Variants in TBC1D32 observed in about 807,000 individuals in gnomAD.
TBC1D32 encodes protein broad-minded.
TBC1D32 carries 151 observed loss-of-function variants against 170.3 expected under a neutral mutation model. The observed-to-expected ratio is 0.89, with a 90% confidence interval of 0.78 to 1.01. TBC1D32 has a LOEUF of 1.01. TBC1D32 is among the 50% of genes least tolerant of loss of function. The pLI, the probability that TBC1D32 is intolerant of heterozygous loss-of-function variation, is 0.00. For synonymous variants in TBC1D32, 498 were observed against 488.0 expected, an observed-to-expected ratio of 1.02 and a Z score of -0.27; for missense variants, 1,464 against 1,457.1, an observed-to-expected ratio of 1.00 and a Z score of -0.08.
intron 8 of TBC1D32, 40 bp downstream of exon 8, chr6:121,304,325 C>T (rs1335567798): frequency 6.9e-6 from 11 of 1,593,252 alleles, no homozygotes; most frequent in South Asian, 4.4e-5. Flanking sequence ...GCAGTAACAC[C>T]GCTAGGTTTT....
At chr6:121,153,643 T>C (rs1214188550) in intron 24 of TBC1D32, among the ~76,000 whole-genome samples, 1 of 152,126 alleles carries the variant, frequency 6.6e-6, no homozygotes, top group Non-Finnish European at 1.5e-5. Context: ...GAGTTTTATC[T>C]ATAAGCCCCT....
intron 3 of TBC1D32, among the ~76,000 whole-genome samples, chr6:121,312,825 T>C (rs1808407237): frequency 6.6e-6 from 1 of 152,172 alleles, no homozygotes; most frequent in Non-Finnish European, 1.5e-5. Flanking sequence ...ACAGCTTAGT[T>C]TAGTCTTTAC....
rs1370356240 is a variant in TBC1D32 at position 121,223,128 on chromosome 6, G to A, written c.2481+108C>T. 4.5e-6 allele frequency: 3 copies of A among 673,944 alleles called. No individual in the cohort carries two copies. In the Admixed American group the frequency reaches 9.8e-5, roughly 22 times the overall value. The allele number at this position is 673,944 out of a possible 1,614,324, so 41.7% of individuals were successfully genotyped here. A position where few individuals can be genotyped will look rare whatever the true frequency, so the allele number is the denominator to read the frequency against. ...TGATTAATCAAATCAGCCCTTAAATGCCATTACATAATGTTTCTTTTTTCT... is the reference window on the plus strand; with the variant it reads ...TGATTAATCAAATCAGCCCTTAAATACCATTACATAATGTTTCTTTTTTCT... On this transcript the variant is annotated intron_variant, in intron 21 of 31. Transcript: ENST00000398212.
chr6:121,247,519 A>G (rs1797758378), intron 17 of TBC1D32, among the ~76,000 whole-genome samples: 1 of 151,904 alleles, frequency 6.6e-6, no homozygotes, highest in Non-Finnish European at 1.5e-5. Context: ...CTTCAAAGAA[A>G]CAGAGTAGGA....
chr6:121,087,945 G>A (rs1776414054), intron 31 of TBC1D32, among the ~76,000 whole-genome samples: 1 of 138,724 alleles, frequency 7.2e-6, no homozygotes, highest in Non-Finnish European at 1.5e-5. Context: ...GCAGTTACAT[G>A]GGGAATTTTT....
At chr6:121,328,444 C>A (rs942653894) in intron 1 of TBC1D32, among the ~76,000 whole-genome samples, 2 of 151,684 alleles carry the variant, frequency 1.3e-5, no homozygotes, top group Non-Finnish European at 2.9e-5. Context: ...CGCCACCACA[C>A]CTGGCTAATT....
intron 15 of TBC1D32, among the ~76,000 whole-genome samples, chr6:121,257,830 G>T (rs1478039298): frequency 6.6e-6 from 1 of 151,816 alleles, no homozygotes; most frequent in African/African-American, 2.4e-5. Flanking sequence ...TTGGCTCTGG[G>T]GTACTTTTGA....
Position 121,160,945 on chromosome 6 carries a change from C to T in TBC1D32, c.2679+3G>A. 1 of 1,611,174 alleles carries T rather than the reference C, an allele frequency of 6.2e-7. No homozygotes were observed. Among genetic ancestry groups the T allele is most frequent in the Non-Finnish European group, 8.5e-7 (1 of 1,177,452 alleles). ...ATCCCACTTCTCTTTGCCCCACACT[C>T]ACCTTTTCGAGTAACCTCGGAGGCA... is the stretch of plus-strand genomic sequence containing the variant. On this transcript the variant is annotated splice_donor_region_variant and intron_variant, in intron 23 of 31. Transcript: ENST00000398212.
intron 29 of TBC1D32, among the ~76,000 whole-genome samples, chr6:121,111,645 C>A (rs1000193927): frequency 6.6e-6 from 1 of 151,986 alleles, no homozygotes; most frequent in South Asian, 2.1e-4. Context: ...ATTGGATGAT[C>A]TTTTTAAGTA....
At chr6:121,130,178 A>T (rs1318635682) in intron 25 of TBC1D32, among the ~76,000 whole-genome samples, 1 of 152,268 alleles carries the variant, frequency 6.6e-6, no homozygotes, top group East Asian at 1.9e-4. Context: ...CTCTATTTTT[A>T]AGAGTATCAA....
At chr6:121,311,659 G>A (rs964639581) in intron 3 of TBC1D32, among the ~76,000 whole-genome samples, 2 of 151,624 alleles carry the variant, frequency 1.3e-5, no homozygotes, top group Admixed American at 6.6e-5. Context: ...ACCAGGAGAC[G>A]GAGGTTTCAG....
At chr6:121,221,801 C>T (rs1473743176) in intron 21 of TBC1D32, among the ~76,000 whole-genome samples, 1 of 152,170 alleles carries the variant, frequency 6.6e-6, no homozygotes, top group Non-Finnish European at 1.5e-5. Flanking sequence ...GAATCCACTC[C>T]TGGTGAAGAT....
chr6:121,249,032 C>T (rs923948665), intron 17 of TBC1D32, among the ~76,000 whole-genome samples: 1 of 151,646 alleles, frequency 6.6e-6, no homozygotes, highest in Admixed American at 6.6e-5. Context: ...CTGATAAACA[C>T]AGATGCAAAA....
At chr6:121,296,699 T>C (rs1805691971) in intron 10 of TBC1D32, among the ~76,000 whole-genome samples, 1 of 152,112 alleles carries the variant, frequency 6.6e-6, no homozygotes, top group Admixed American at 6.6e-5. Flanking sequence ...GTCTTAAACA[T>C]CGTTTTGCTT....
chr6:121,246,471 A>T (rs1275820885), intron 17 of TBC1D32, among the ~76,000 whole-genome samples: 3 of 152,042 alleles, frequency 2.0e-5, no homozygotes. Flanking sequence ...ATTTGACATA[A>T]AAGGGTTCTG....
At chr6:121,170,441 T>G (rs776834055) in intron 22 of TBC1D32, 3 of 1,606,838 alleles carry the variant, frequency 1.9e-6, no homozygotes, top group Non-Finnish European at 2.5e-6. Flanking sequence ...ATTTTCTTCT[T>G]GAGCATTTAG....
intron 21 of TBC1D32, among the ~76,000 whole-genome samples, chr6:121,209,319 G>A (rs930780328): frequency 4.6e-5 from 7 of 152,132 alleles, no homozygotes; most frequent in African/African-American, 1.7e-4. Context: ...ATTAGTGTGT[G>A]TGAGAGATAA....
chr6:121,331,275 C>T (rs1434330374), intron 1 of TBC1D32, among the ~76,000 whole-genome samples: 1 of 152,144 alleles, frequency 6.6e-6, no homozygotes, highest in Non-Finnish European at 1.5e-5. Flanking sequence ...GTGGCACGAT[C>T]TCGGCTCACT....
At chr6:121,117,701 C>CA (rs1454608447) in intron 26 of TBC1D32, among the ~76,000 whole-genome samples, 4 of 150,776 alleles carry the variant, frequency 2.7e-5, no homozygotes, top group Admixed American at 6.6e-5. Flanking sequence ...GAGTCCATCT[C>CA]AAAAAAACAA....
Sources: allele counts gnomAD v4.1 joint callset (sites outside exome capture counted in the v4.1 genomes callset), GRCh38; gene constraint gnomAD v4.1.1; transcripts MANE v1.5; gene names NCBI Gene and HGNC (gene_info 2026-07-23, HGNC 2026-07-21).